PTPRN2: variants seen among roughly 807,000 people sequenced by gnomAD.
PTPRN2 encodes receptor-type tyrosine-protein phosphatase N2.
A neutral mutation model predicts 118.8 loss-of-function variants in PTPRN2; 74 were observed. That is an observed-to-expected ratio of 0.62 (90% CI 0.52 to 0.76). The LOEUF is 0.76. PTPRN2 is among the 30% of genes least tolerant of loss of function. PTPRN2 has a pLI of 0.00. For synonymous variants in PTPRN2, 641 were observed against 608.0 expected (o/e 1.05, Z -0.80); for missense variants, 1,481 against 1,394.4 (o/e 1.06, Z -0.99).
At chr7:157,962,005 A>T (rs1163497709) in intron 11 of PTPRN2, among the ~76,000 whole-genome samples, 1 of 152,100 alleles carries the variant, frequency 6.6e-6, no homozygotes, top group South Asian at 2.1e-4. Context: ...CCACCCTCTC[A>T]CTTTCCCTCC....
chr7:158,073,077 T>A (rs1296430865), intron 11 of PTPRN2, among the ~76,000 whole-genome samples: 1 of 152,122 alleles, frequency 6.6e-6, no homozygotes, highest in African/African-American at 2.4e-5. Context: ...TGAGGCAGGA[T>A]CTGCTGGGGA....
chr7:158,468,378 TC>T (rs1322132119), intron 2 of PTPRN2, among the ~76,000 whole-genome samples: 1 of 152,180 alleles, frequency 6.6e-6, no homozygotes, highest in Admixed American at 6.5e-5. Flanking sequence ...TTCATCAGGA[TC>T]GTCTTGCCCA....
At chr7:158,258,893 C>T (rs187151461) in intron 3 of PTPRN2, among the ~76,000 whole-genome samples, 16 of 152,284 alleles carry the variant, frequency 1.1e-4, no homozygotes, top group African/African-American at 3.9e-4. Flanking sequence ...GCCTGCACTG[C>T]GTGGTCGTGC....
chr7:157,867,961 G>A (rs1563189808), intron 12 of PTPRN2, among the ~76,000 whole-genome samples: 3 of 152,266 alleles, frequency 2.0e-5, no homozygotes, highest in Middle Eastern at 3.4e-3. Context: ...CCGTGCCTGC[G>A]CCAGCCCAAG....
At chr7:157,682,328 C>T (rs2286414) in intron 13 of PTPRN2, among the ~76,000 whole-genome samples, 10,727 of 152,218 alleles carry the variant, frequency 0.07, 677 homozygotes, top group African/African-American at 0.15. Context: ...TCACAGAAGA[C>T]CCCGAGGAAG....
intron 3 of PTPRN2, among the ~76,000 whole-genome samples, chr7:158,267,923 G>A (rs575896380): frequency 7.9e-5 from 12 of 152,240 alleles, no homozygotes; most frequent in East Asian, 7.7e-4. Flanking sequence ...CCTCCAGCCC[G>A]TAATTTAGAG....
chr7:158,348,135 G>C (rs1483486924), intron 2 of PTPRN2, among the ~76,000 whole-genome samples: 2 of 152,110 alleles, frequency 1.3e-5, no homozygotes, highest in Non-Finnish European at 2.9e-5. Flanking sequence ...CAGATTGGTT[G>C]CTAAGCCCTG....
At chr7:158,122,520 C>A (rs1817258508) in intron 9 of PTPRN2, among the ~76,000 whole-genome samples, 1 of 152,190 alleles carries the variant, frequency 6.6e-6, no homozygotes, top group Non-Finnish European at 1.5e-5. Flanking sequence ...GGAGTGTCAC[C>A]CCTAAAAATC....
At chr7:158,160,111 G>C (rs1389852950) in intron 6 of PTPRN2, among the ~76,000 whole-genome samples, 1 of 152,234 alleles carries the variant, frequency 6.6e-6, no homozygotes, top group East Asian at 1.9e-4. Context: ...TTAAGGAGTT[G>C]TGTGTGAGTG....
intron 3 of PTPRN2, among the ~76,000 whole-genome samples, chr7:158,254,923 G>A (rs1169066868): frequency 6.6e-6 from 1 of 152,264 alleles, no homozygotes; most frequent in Non-Finnish European, 1.5e-5. Context: ...TAAATGCGAA[G>A]CATGGTGTTA....
intron 14 of PTPRN2, among the ~76,000 whole-genome samples, chr7:157,655,355 G>A (rs1284979412): frequency 1.3e-5 from 2 of 152,206 alleles, no homozygotes; most frequent in African/African-American, 2.4e-5. Context: ...CAGCTGGGCC[G>A]GGAGGCCTCC....
chr7:158,520,986 A>G (rs1410248601), intron 1 of PTPRN2, among the ~76,000 whole-genome samples: 2 of 152,132 alleles, frequency 1.3e-5, no homozygotes, highest in African/African-American at 2.4e-5. Context: ...GGAACAGGAG[A>G]TTTCAGCCAC....
chr7:157,722,379 G>C (rs535282270), intron 12 of PTPRN2, among the ~76,000 whole-genome samples: 4 of 152,348 alleles, frequency 2.6e-5, no homozygotes, highest in African/African-American at 9.6e-5. Context: ...TGTCATGTCA[G>C]ATGGAGCCAG....
chr7:158,218,629 G>T (rs1345616453), intron 3 of PTPRN2, among the ~76,000 whole-genome samples: 1 of 152,074 alleles, frequency 6.6e-6, no homozygotes, highest in Non-Finnish European at 1.5e-5. Context: ...CACTTAAAAG[G>T]CATAGATTGA....
chr7:157,988,600 G>A (rs1803999623), intron 11 of PTPRN2, among the ~76,000 whole-genome samples: 1 of 152,232 alleles, frequency 6.6e-6, no homozygotes, highest in Non-Finnish European at 1.5e-5. Flanking sequence ...TCAGACGGGT[G>A]CAAACCCTTT....
chr7:158,239,017 C>T lies in PTPRN2; in HGVS notation c.278-33744G>A, dbSNP rs887840315. Among the ~76,000 whole-genome samples, 8 of 152,110 alleles carry T rather than the reference C, an allele frequency of 5.3e-5. No homozygotes were observed. The South Asian group carries it at 8.3e-4, about 16-fold the overall frequency. On this transcript the variant is annotated intron_variant, in intron 3 of 22. Transcript: ENST00000389418. ...TGGCCTCAGAGGCTCTCGTGAGGGC[C>T]GTGGAGGGGAGCGGAAAGCCAGGCA...
chr7:158,008,088 G>C (rs1805781641), intron 11 of PTPRN2, among the ~76,000 whole-genome samples: 1 of 146,688 alleles, frequency 6.8e-6, no homozygotes, highest in African/African-American at 2.5e-5. Flanking sequence ...TGTGGGTGTG[G>C]GTGTGCTGTG....
At chr7:157,613,670 A>G (rs1802543671) in intron 15 of PTPRN2, among the ~76,000 whole-genome samples, 1 of 152,104 alleles carries the variant, frequency 6.6e-6, no homozygotes, top group Admixed American at 6.5e-5. Flanking sequence ...TCCCACACGC[A>G]GGGACCCTCT....
intron 13 of PTPRN2, among the ~76,000 whole-genome samples, chr7:157,666,860 A>T (rs536416109): frequency 7.0e-6 from 1 of 142,410 alleles, no homozygotes; most frequent in South Asian, 2.3e-4. Flanking sequence ...CACTTGGCCC[A>T]TGCGGCACTG....
Sources: allele counts gnomAD v4.1 joint callset (sites outside exome capture counted in the v4.1 genomes callset), GRCh38; gene constraint gnomAD v4.1.1; transcripts MANE v1.5; gene names NCBI Gene and HGNC (gene_info 2026-07-23, HGNC 2026-07-21).